The following ZNF141 variants were observed in gnomAD, a reference collection of about 807,000 sequenced individuals.
ZNF141 encodes the protein zinc finger protein 141 (clone pHZ-44).
Under a neutral mutation model 11.3 loss-of-function variants are expected in ZNF141, and 7 were observed. The observed-to-expected ratio is 0.62, with a 90% CI of 0.35 to 1.16. The LOEUF is 1.16. Ranked by LOEUF, ZNF141 falls within the 50% of genes most tolerant of loss-of-function variation. The pLI is 0.02. For missense variants in ZNF141, 535 were observed against 554.0 expected (o/e 0.97, Z 0.34); for synonymous variants, 183 against 190.7 (o/e 0.96, Z 0.33).
chr4:345,633 CAGG>C (rs1189579842), intron 3 of ZNF141, among the ~76,000 whole-genome samples: 1 of 147,416 alleles, frequency 6.8e-6, no homozygotes, highest in Non-Finnish European at 1.5e-5. Flanking sequence ...GAGGCTGAGG[CAGG>C]AGAATTGCTT....
chr4:353,463 ATTATTT>A (rs1172878513), intron 3 of ZNF141, among the ~76,000 whole-genome samples: 1 of 135,444 alleles, frequency 7.4e-6, no homozygotes, highest in African/African-American at 2.9e-5. Flanking sequence ...TATTATTATT[ATTATTT>A]TTTTTTTTTT....
chr4:348,879 G>T (rs2108690412), intron 3 of ZNF141, among the ~76,000 whole-genome samples: 1 of 152,082 alleles, frequency 6.6e-6, no homozygotes, highest in East Asian at 1.9e-4. Flanking sequence ...TTTTGATAGG[G>T]ATCACATTGA....
rs1553855192 is a variant in ZNF141 at position 379,727 on chromosome 4, C to G, written c.*5865C>G. Among the ~76,000 whole-genome samples, 4 of 152,172 alleles carry G rather than the reference C, an allele frequency of 2.6e-5. No individual in the cohort carries two copies. In the East Asian group the frequency reaches 7.7e-4, roughly 29 times the overall value. On this transcript the variant is annotated 3_prime_UTR_variant, in exon 4 of 4. Transcript: ENST00000240499. ...CAAAAACTATATATTTTTTATAATACTCAAGTTGTTTGACAAAGATACTCA... is the reference window on the plus strand; with the variant it reads ...CAAAAACTATATATTTTTTATAATAGTCAAGTTGTTTGACAAAGATACTCA...
In ZNF141 at chr4:382,676, G is replaced by C; in HGVS notation, c.*8814G>C. 1 of 152,924 alleles carries C rather than the reference G, an allele frequency of 6.5e-6. No homozygotes were observed. Among genetic ancestry groups the C allele is most frequent in the African/African-American group, 2.4e-5 (1 of 41,446 alleles). 9.5% of individuals were successfully genotyped at this position (152,924 alleles called of 1,614,324 possible). A position where few individuals can be genotyped will look rare whatever the true frequency, so the allele number is the denominator to read the frequency against. On this transcript the variant is annotated 3_prime_UTR_variant, in exon 4 of 4. Transcript: ENST00000240499. Reference sequence around the variant, plus strand: ...GGAGTGAATTATTTCCAATGGTGAAGAGTAATGGATGGATGGCATGAGATT... The same window carrying C: ...GGAGTGAATTATTTCCAATGGTGAACAGTAATGGATGGATGGCATGAGATT...
chr4:367,728 G>C (rs1711817882), intron 3 of ZNF141, among the ~76,000 whole-genome samples: 1 of 151,896 alleles, frequency 6.6e-6, no homozygotes, highest in African/African-American at 2.4e-5. Context: ...TATTGGCCAG[G>C]CTAGTCTTGA....
chr4:339,789 A>C (rs1407488858), intron 1 of ZNF141, among the ~76,000 whole-genome samples: 1 of 152,222 alleles, frequency 6.6e-6, no homozygotes, highest in Non-Finnish European at 1.5e-5. Flanking sequence ...TATATAACCT[A>C]TTCCGCAATT....
intron 3 of ZNF141, among the ~76,000 whole-genome samples, chr4:354,099 C>T (rs782133520): frequency 1.3e-5 from 2 of 152,194 alleles, no homozygotes; most frequent in Non-Finnish European, 2.9e-5. Flanking sequence ...CTGTTTTCTC[C>T]AGTAGAATAG....
chr4:345,417 A>T (rs1428709879), intron 3 of ZNF141, among the ~76,000 whole-genome samples: 2 of 152,322 alleles, frequency 1.3e-5, no homozygotes, highest in African/African-American at 4.8e-5. Flanking sequence ...GATTTCCAAC[A>T]TTTTGGCTTC....
chr4:351,491 T>G (rs1721601716), intron 3 of ZNF141, among the ~76,000 whole-genome samples: 1 of 152,176 alleles, frequency 6.6e-6, no homozygotes, highest in Admixed American at 6.5e-5. Context: ...CCAAAAGTGC[T>G]GAGATTACAG....
At position 374,168 on chromosome 4, in the gene ZNF141, G is replaced by A. The variant is rs1172957354; in HGVS notation, c.*306G>A. The A allele has an allele frequency of 1.7e-5, 6 of 358,520 alleles. No homozygotes were observed. The highest frequency in any genetic ancestry group is 5.7e-5 in the East Asian group (1 of 17,692). The allele number at this position is 358,520 out of a possible 1,614,324, so 22.2% of individuals were successfully genotyped here. On this transcript the variant is annotated 3_prime_UTR_variant, in exon 4 of 4. Coordinates refer to ENST00000240499, the MANE Select transcript of ZNF141 (RefSeq NM_003441.4). ...ACAAAACCTTTAAACAGCCCTCACC[G>A]GTGAATAAACATAAGAAAAATCATG...
chr4:372,205 T>C lies in ZNF141; in HGVS notation c.227-459T>C, dbSNP rs565996157. On this transcript the variant is annotated intron_variant, in intron 3 of 3. Coordinates refer to ENST00000240499, the MANE Select transcript of ZNF141 (RefSeq NM_003441.4). ...CAGACCCAATCCCTCCCAAAGTGTA[T>C]CACCATTTCTATCAGCACTCTGTGG... Among the ~76,000 whole-genome samples the C allele has an allele frequency of 3.9e-5, 6 of 152,350 alleles. No homozygotes were observed. The East Asian group carries it at 1.2e-3, about 29-fold the overall frequency.
In ZNF141 at chr4:377,314, G is replaced by A. The variant is rs570345452; in HGVS notation, c.*3452G>A. Among the ~76,000 whole-genome samples the A allele has an allele frequency of 6.6e-6, 1 of 152,292 alleles. No homozygotes were observed. The highest frequency in any genetic ancestry group is 2.4e-5 in the African/African-American group (1 of 41,552). On this transcript the variant is annotated 3_prime_UTR_variant, in exon 4 of 4. Coordinates refer to ENST00000240499, the MANE Select transcript of ZNF141 (RefSeq NM_003441.4). ...ATAATTAGCCATAAATATTCCTGGA[G>A]TTAGTTTGTAGCTCCAAGTAAGAGA... is the stretch of plus-strand genomic sequence containing the variant.
In ZNF141 at chr4:384,492, A is replaced by G. The variant is rs1553856143; in HGVS notation, c.*10630A>G. ...CTTATGCCAGGGTGTTGATCAGAAGAGACTGTCCCACTTAGGCCCAGGTGT... is the reference window on the plus strand; with the variant it reads ...CTTATGCCAGGGTGTTGATCAGAAGGGACTGTCCCACTTAGGCCCAGGTGT... On this transcript the variant is annotated 3_prime_UTR_variant, in exon 4 of 4. Coordinates refer to ENST00000240499, the MANE Select transcript of ZNF141 (RefSeq NM_003441.4). The G allele has an allele frequency of 3.9e-5, 6 of 152,224 alleles. No homozygotes were observed. Among genetic ancestry groups the G allele is most frequent in the Non-Finnish European group, 8.8e-5 (6 of 68,052 alleles). 9.4% of individuals were successfully genotyped at this position (152,224 alleles called of 1,614,324 possible).
At position 382,296 on chromosome 4, in the gene ZNF141, C is replaced by A. The variant is rs1212006483; in HGVS notation, c.*8434C>A. ...GCTCTAGGCACTTGCCCTATAGCTGCTCCTAAATGTGGGGTCTTAGAAAAC... is the reference window on the plus strand; with the variant it reads ...GCTCTAGGCACTTGCCCTATAGCTGATCCTAAATGTGGGGTCTTAGAAAAC... On this transcript the variant is annotated 3_prime_UTR_variant, in exon 4 of 4. Transcript: ENST00000240499. 6.6e-6 allele frequency among the ~76,000 whole-genome samples: 1 copy of A among 152,098 alleles called. No individual in the cohort carries two copies. Among genetic ancestry groups the A allele is most frequent in the East Asian group, 1.9e-4 (1 of 5,174 alleles).
At chr4:358,592 T>C (rs1430451354) in intron 3 of ZNF141, 1 of 160,556 alleles carries the variant, frequency 6.2e-6, no homozygotes, top group African/African-American at 2.4e-5. Flanking sequence ...TTTGTTTGAT[T>C]GTTTGAGATG....
rs544940326 is a variant in ZNF141, at chr4:373,602, C to G, written c.1165C>G (p.His389Asp). The G allele has an allele frequency of 6.2e-7, 1 of 1,614,032 alleles. No homozygotes were observed. Among genetic ancestry groups the G allele is most frequent in the Admixed American group, 1.7e-5 (1 of 60,014 alleles). ...GGTCCTGAATGAACATAAAAAAATT[C>G]ATACTGGAGAGAAACCCTACAAATG... ...SRVLNEHKKI[H>D]TGEKPYKCEE... is the part of the protein sequence containing the mutation. The change falls in exon 4 of 4, where the codon CAT becomes GAT. Residue 389 changes from histidine (H) to aspartate (D), a missense_variant. Coordinates refer to ENST00000240499, the MANE Select transcript of ZNF141 (RefSeq NM_003441.4).
intron 1 of ZNF141, among the ~76,000 whole-genome samples, chr4:338,734 C>A (rs1351340360): frequency 6.6e-6 from 1 of 152,192 alleles, no homozygotes; most frequent in Non-Finnish European, 1.5e-5. Flanking sequence ...AGGGGGGCAG[C>A]TGCGGGAAGA....
In ZNF141 at chr4:375,533, G is replaced by C. The variant is rs1712321418; in HGVS notation, c.*1671G>C. ...AACATCAGAGGATTTACAGTAGAAA[G>C]AACTAAGGAACTAACACTTTAGACA... On this transcript the variant is annotated 3_prime_UTR_variant, in exon 4 of 4. Coordinates refer to ENST00000240499, the MANE Select transcript of ZNF141 (RefSeq NM_003441.4). Among the ~76,000 whole-genome samples, 2 of 151,904 alleles carry C rather than the reference G, an allele frequency of 1.3e-5. 1 individual carries two copies. The highest frequency in any genetic ancestry group is 4.1e-4 in the South Asian group (2 of 4,826).
intron 1 of ZNF141, 42 bp downstream of exon 1, chr4:338,028 C>T (rs943850113): frequency 6.8e-6 from 11 of 1,612,050 alleles, no homozygotes; most frequent in South Asian, 1.1e-5. Context: ...GAGGAGGTCT[C>T]ATCGGAGCTG....
Sources: gnomAD v4.1 joint callset for allele counts (sites outside exome capture counted in the v4.1 genomes callset) on GRCh38, gnomAD v4.1.1 for gene constraint, MANE v1.5 for transcripts, NCBI Gene and HGNC (gene_info 2026-07-23, HGNC 2026-07-21) for gene names.